The following REEP5 variants were observed in gnomAD, a reference collection of about 807,000 sequenced individuals.
REEP5 encodes the protein receptor accessory protein 5.
REEP5 carries 24 observed loss-of-function variants against 22.4 expected under a neutral mutation model. The ratio of observed to expected loss-of-function variants is 1.07; its 90% CI spans 0.78 to 1.51. REEP5 has a LOEUF of 1.51. Ranked by LOEUF, REEP5 falls within the 40% of genes most tolerant of loss-of-function variation. The pLI is 0.00. For missense variants in REEP5, 252 were observed against 233.0 expected (o/e 1.08, Z -0.53); for synonymous variants, 103 against 88.6 (o/e 1.16, Z -0.92).
At chr5:112,916,244 ATTT>A (rs1580756087) in intron 2 of REEP5, among the ~76,000 whole-genome samples, 1 of 152,066 alleles carries the variant, frequency 6.6e-6, no homozygotes, top group East Asian at 1.9e-4. Context: ...TCTTGTAGAT[ATTT>A]TCATTGTTTT....
chr5:112,920,494 A>T (rs1346889990), intron 2 of REEP5, among the ~76,000 whole-genome samples: 2 of 152,224 alleles, frequency 1.3e-5, no homozygotes, highest in African/African-American at 4.8e-5. Flanking sequence ...AAAAAAAATA[A>T]ACACATTGTA....
chr5:112,893,133 G>A, intron 3 of REEP5: 1 of 852,576 alleles, frequency 1.2e-6, no homozygotes, highest in East Asian at 3.0e-5. Context: ...GACCAGGCCA[G>A]GTATAGTGGC....
intron 2 of REEP5, among the ~76,000 whole-genome samples, chr5:112,915,884 A>C (rs1192610657): frequency 1.7e-4 from 26 of 151,408 alleles, no homozygotes; most frequent in Admixed American, 1.5e-3. Context: ...ACAATTTAAA[A>C]AAAAAAAAAA....
At chr5:112,905,755 G>C (rs960636974) in intron 2 of REEP5, among the ~76,000 whole-genome samples, 2 of 151,864 alleles carry the variant, frequency 1.3e-5, no homozygotes, top group African/African-American at 4.8e-5. Context: ...CCAGTAGCTG[G>C]GACTACAGGT....
intron 2 of REEP5, among the ~76,000 whole-genome samples, chr5:112,911,191 G>A (rs545497395): frequency 7.9e-5 from 12 of 152,318 alleles, no homozygotes; most frequent in Admixed American, 5.2e-4. Flanking sequence ...AGGCGTGGGC[G>A]AGGAAGATTA....
At chr5:112,911,161 T>C (rs1029363099) in intron 2 of REEP5, among the ~76,000 whole-genome samples, 1 of 152,188 alleles carries the variant, frequency 6.6e-6, no homozygotes, top group Non-Finnish European at 1.5e-5. Context: ...GGCAACAATC[T>C]TGTTATATAT....
Position 112,922,112 on chromosome 5 carries a change from C to G in REEP5, c.79G>C (p.Glu27Gln). The change falls in exon 1 of 5, where the codon GAG (glutamate) becomes CAG (glutamine). Residue 27 changes from glutamate (E) to glutamine (Q), a missense_variant. Glu to Gln is a conservative substitution (Grantham distance 29). Coordinates refer to ENST00000379638, the MANE Select transcript of REEP5 (RefSeq NM_005669.5). The part of the protein sequence containing the change: ...NCMTDLLAKL[E>Q]AKTGVNRSFI... Reference sequence around the variant, plus strand: ...CTCCTGTTCACGCCGGTTTTGGCCTCGAGCTTGGCCAGAAGGTCAGTCATG... The same window carrying G: ...CTCCTGTTCACGCCGGTTTTGGCCTGGAGCTTGGCCAGAAGGTCAGTCATG... 2 of 1,604,830 alleles carry G rather than the reference C, an allele frequency of 1.2e-6. No homozygotes were observed. Among genetic ancestry groups the G allele is most frequent in the East Asian group, 2.3e-5 (1 of 43,830 alleles).
At chr5:112,918,077 G>A (rs1426399228) in intron 2 of REEP5, among the ~76,000 whole-genome samples, 1 of 152,124 alleles carries the variant, frequency 6.6e-6, no homozygotes, top group Non-Finnish European at 1.5e-5. Flanking sequence ...GTAAAAGAGG[G>A]AAGTAAGGAG....
At position 112,892,752 on chromosome 5, in the gene REEP5, G is replaced by T. The variant is rs780166262; in HGVS notation, c.352-5569C>A. 3.1e-6 allele frequency: 5 copies of T among 1,613,912 alleles called. No individual in the cohort carries two copies. The East Asian group carries it at 1.1e-4, about 36-fold the overall frequency. On this transcript the variant is annotated intron_variant, in intron 3 of 4. Transcript: ENST00000379638. ...GCAAGAACTCCGAGAGGAGGGAGAA[G>T]ATGGGCCACCACGACCACTACTACA...
chr5:112,879,620 C>T (rs1768008779), intron 4 of REEP5, among the ~76,000 whole-genome samples: 2 of 152,058 alleles, frequency 1.3e-5, no homozygotes, highest in South Asian at 2.1e-4. Flanking sequence ...ACTACATGCA[C>T]TCACCACCAC....
intron 3 of REEP5, among the ~76,000 whole-genome samples, chr5:112,900,466 T>C (rs1422121365): frequency 2.0e-5 from 3 of 152,206 alleles, no homozygotes; most frequent in Non-Finnish European, 4.4e-5. Context: ...AAGTCCTGTC[T>C]TTGCAAATCA....
chr5:112,912,048 T>G (rs1271984951), intron 2 of REEP5, among the ~76,000 whole-genome samples: 1 of 152,218 alleles, frequency 6.6e-6, no homozygotes, highest in Non-Finnish European at 1.5e-5. Context: ...TTAATGAAAC[T>G]AACTCCCCTT....
At position 112,892,519 on chromosome 5, in the gene REEP5, G is replaced by A. The variant is rs568926188; in HGVS notation, c.352-5336C>T. 72 of 1,614,172 alleles carry A rather than the reference G, an allele frequency of 4.5e-5. 1 individual carries two copies. In the Middle Eastern group the frequency reaches 2.5e-3, roughly 55 times the overall value. On this transcript the variant is annotated intron_variant, in intron 3 of 4. Coordinates refer to ENST00000379638, the MANE Select transcript of REEP5 (RefSeq NM_005669.5). ...CCAAGCAGCCCTTTCTCTGTTTAACGGACGATGGTATGCAGGACGACAGCT... is the reference window on the plus strand; with the variant it reads ...CCAAGCAGCCCTTTCTCTGTTTAACAGACGATGGTATGCAGGACGACAGCT...
intron 3 of REEP5, among the ~76,000 whole-genome samples, chr5:112,888,446 A>AGAGTC (rs1768328104): frequency 6.6e-6 from 1 of 152,210 alleles, no homozygotes; most frequent in African/African-American, 2.4e-5. Context: ...ATTCTTTCTG[A>AGAGTC]GAGTCTTGCT....
At chr5:112,909,687 T>G (rs1393233190) in intron 2 of REEP5, among the ~76,000 whole-genome samples, 1 of 152,184 alleles carries the variant, frequency 6.6e-6, no homozygotes, top group African/African-American at 2.4e-5. Context: ...CACAACTCAC[T>G]GGCCATCCCT....
At chr5:112,919,573 A>C (rs1245469150) in intron 2 of REEP5, among the ~76,000 whole-genome samples, 1 of 152,126 alleles carries the variant, frequency 6.6e-6, no homozygotes, top group Non-Finnish European at 1.5e-5. Flanking sequence ...GTCTCAAAAG[A>C]AAAGAAACAG....
Position 112,909,670 on chromosome 5 carries a change from A to G in REEP5, c.213-7152T>C, listed in dbSNP as rs188076037. Among the ~76,000 whole-genome samples, 42 of 152,308 alleles carry G rather than the reference A, an allele frequency of 2.8e-4. 1 individual carries two copies. In the South Asian group the frequency reaches 8.5e-3, roughly 31 times the overall value. On this transcript the variant is annotated intron_variant, in intron 2 of 4. Coordinates refer to ENST00000379638, the MANE Select transcript of REEP5 (RefSeq NM_005669.5). ...TTACATTGGCATTGGACTGGTACAT[A>G]TATGAACACAACTCACTGGCCATCC...
At chr5:112,891,915 A>C (rs1478576927) in intron 3 of REEP5, 1 of 1,306,386 alleles carries the variant, frequency 7.7e-7, no homozygotes, top group Middle Eastern at 1.8e-4. Flanking sequence ...AAGAATTCAG[A>C]ATAAAGAAGG....
chr5:112,877,208 T>TGTCA lies in REEP5; in HGVS notation c.*1574_*1577dup, dbSNP rs1039059085. ...GATCCATATTATATTAGAGTGATAC[T>TGTCA]GTCACTTAGTATTGATATCTTTAAT... On this transcript the variant is annotated 3_prime_UTR_variant, in exon 5 of 5. Transcript: ENST00000379638. 2 of 152,234 alleles carry TGTCA rather than the reference T, an allele frequency of 1.3e-5. No individual in the cohort carries two copies. Among genetic ancestry groups the TGTCA allele is most frequent in the African/African-American group, 4.8e-5 (2 of 41,466 alleles). 9.4% of individuals were successfully genotyped at this position (152,234 alleles called of 1,614,324 possible).
Sources: allele counts gnomAD v4.1 joint callset (sites outside exome capture counted in the v4.1 genomes callset), GRCh38; gene constraint gnomAD v4.1.1; transcripts MANE v1.5; gene names NCBI Gene and HGNC (gene_info 2026-07-23, HGNC 2026-07-21).